SGK3: variants seen among roughly 807,000 people sequenced by gnomAD.
The protein encoded by SGK3 is serum/glucocorticoid regulated kinase family member 3.
A neutral mutation model predicts 68.5 loss-of-function variants in SGK3; 47 were observed. That is an observed-to-expected ratio of 0.69 (90% CI 0.54 to 0.87). The LOEUF is 0.87. Ranked by LOEUF, SGK3 falls within the 40% of genes least tolerant of loss-of-function variation. SGK3 has a pLI of 0.00. For missense variants in SGK3, 479 were observed against 575.5 expected (o/e 0.83, Z 1.72); for synonymous variants, 181 against 189.1 (o/e 0.96, Z 0.35).
rs527913722 is a variant in SGK3 at position 66,801,083 on chromosome 8, ACT to A, written c.180+2459_180+2460del. Among the ~76,000 whole-genome samples the A allele has an allele frequency of 2.5e-3, 374 of 152,362 alleles. 1 individual carries two copies. Among genetic ancestry groups the A allele is most frequent in the African/African-American group, 7.4e-3 (306 of 41,586 alleles). On this transcript the variant is annotated intron_variant, in intron 3 of 16. Transcript: ENST00000521198. ...CTTTAATGCACACGCAACTGCACTT[ACT>A]AAATACAGGTTGAGTATCCCTTATC...
chr8:66,835,714 T>A lies in SGK3; in HGVS notation c.526-49T>A, dbSNP rs753887477. ...TGTGTTGACAAGTGAATTATTTCTA[T>A]CAAAATTTGAAATTTCTAATAGTAT... is the stretch of plus-strand genomic sequence containing the variant. On this transcript the variant is annotated intron_variant, in intron 8 of 16. Transcript: ENST00000521198. 1.9e-6 allele frequency: 3 copies of A among 1,562,666 alleles called. No individual in the cohort carries two copies. In the South Asian group the frequency reaches 3.6e-5, roughly 19 times the overall value.
chr8:66,754,461 C>T (rs776075650), intron 1 of SGK3, among the ~76,000 whole-genome samples: 4 of 152,000 alleles, frequency 2.6e-5, no homozygotes, highest in Non-Finnish European at 5.9e-5. Context: ...TTTGCTGGGA[C>T]AGGTTGAGTA....
At chr8:66,811,083 C>A (rs1226538988) in intron 4 of SGK3, among the ~76,000 whole-genome samples, 1 of 152,324 alleles carries the variant, frequency 6.6e-6, no homozygotes, top group African/African-American at 2.4e-5. Context: ...GTGGTGCGAT[C>A]TCAGCTCACT....
intron 1 of SGK3, among the ~76,000 whole-genome samples, chr8:66,761,515 C>A (rs937646790): frequency 1.3e-5 from 2 of 152,074 alleles, no homozygotes; most frequent in African/African-American, 4.8e-5. Context: ...GTGGCTCACG[C>A]CCCAGCACTT....
intron 7 of SGK3, among the ~76,000 whole-genome samples, chr8:66,829,887 T>TA (rs1809234192): frequency 6.6e-6 from 1 of 151,330 alleles, no homozygotes; most frequent in East Asian, 1.9e-4. Flanking sequence ...TTTTTTTTTT[T>TA]ATTGAGACAG....
chr8:66,767,577 T>A, intron 1 of SGK3: 1 of 1,416,950 alleles, frequency 7.1e-7, no homozygotes, highest in Non-Finnish European at 1.0e-6. Flanking sequence ...TGAGAGGCAC[T>A]TCACTCAAGG....
Position 66,828,680 on chromosome 8 carries a change from C to T in SGK3, c.444C>T (p.Asn148=), listed in dbSNP as rs1322891777. 1 of 1,613,928 alleles carries T rather than the reference C, an allele frequency of 6.2e-7. No homozygotes were observed. Among genetic ancestry groups the T allele is most frequent in the East Asian group, 2.2e-5 (1 of 44,866 alleles). The change falls in exon 7 of 17, where the codon AAC becomes AAT. Residue 148 remains asparagine, a synonymous_variant. Transcript: ENST00000521198. ...TACACTCTACCTCACAGAACATCAA[C>T]CTGGGACCGTCTGGAAATCCTCAGT... ...QKLHSTSQNI[N]LGPSGNPHAK...
At chr8:66,789,860 T>A (rs1807364299) in intron 1 of SGK3, among the ~76,000 whole-genome samples, 1 of 152,118 alleles carries the variant, frequency 6.6e-6, no homozygotes, top group Admixed American at 6.5e-5. Flanking sequence ...GGCAGTTTGC[T>A]TGAGCTCAGA....
At chr8:66,744,768 T>C (rs1373157199) in intron 1 of SGK3, among the ~76,000 whole-genome samples, 1 of 150,426 alleles carries the variant, frequency 6.6e-6, no homozygotes, top group Admixed American at 6.6e-5. Flanking sequence ...GGCCTCGCAG[T>C]GTGCTGGGAT....
chr8:66,732,180 T>C (rs993079916), intron 1 of SGK3, among the ~76,000 whole-genome samples: 3 of 152,178 alleles, frequency 2.0e-5, no homozygotes, highest in Non-Finnish European at 4.4e-5. Context: ...ATGTCAAAAT[T>C]TGCAGTGGTA....
intron 3 of SGK3, among the ~76,000 whole-genome samples, chr8:66,799,430 A>G (rs1205955914): frequency 6.6e-6 from 1 of 152,216 alleles, no homozygotes; most frequent in Admixed American, 6.5e-5. Flanking sequence ...CACAGTCACT[A>G]TAATACCATA....
At chr8:66,746,765 T>C (rs1252810173) in intron 1 of SGK3, among the ~76,000 whole-genome samples, 1 of 152,072 alleles carries the variant, frequency 6.6e-6, no homozygotes, top group Admixed American at 6.6e-5. Context: ...CTCGCTATGT[T>C]GCCCAGGCTA....
chr8:66,771,838 A>G (rs1806520987), intron 1 of SGK3, among the ~76,000 whole-genome samples: 1 of 152,008 alleles, frequency 6.6e-6, no homozygotes, highest in Non-Finnish European at 1.5e-5. Context: ...TAGGTAGATT[A>G]CTTTTTATTT....
intron 1 of SGK3, among the ~76,000 whole-genome samples, chr8:66,766,439 C>G (rs1199900466): frequency 6.6e-6 from 1 of 152,116 alleles, no homozygotes; most frequent in Non-Finnish European, 1.5e-5. Flanking sequence ...TGGAGAATTG[C>G]TTGAACCTAG....
intron 4 of SGK3, among the ~76,000 whole-genome samples, chr8:66,805,641 C>T (rs1368697888): frequency 6.6e-6 from 1 of 152,180 alleles, no homozygotes. Context: ...GAATTTTCCC[C>T]TAGAACCCAA....
At chr8:66,727,188 A>G (rs1585635863) in intron 1 of SGK3, among the ~76,000 whole-genome samples, 1 of 152,022 alleles carries the variant, frequency 6.6e-6, no homozygotes. Context: ...TGCAGCCTCG[A>G]TCTCCTAGGC....
rs543859497 is a variant in SGK3, at chr8:66,840,207, A to G, written c.855-4A>G. ...TTTGCGTTTCTTTCCTTTTAATTTGATAGAGACTTGAAACCAGAAAATATT... is the reference window on the plus strand; with the variant it reads ...TTTGCGTTTCTTTCCTTTTAATTTGGTAGAGACTTGAAACCAGAAAATATT... On this transcript the variant is annotated splice_polypyrimidine_tract_variant and splice_region_variant and intron_variant, in intron 11 of 16. Transcript: ENST00000521198. The G allele has an allele frequency of 1.0e-5, 16 of 1,594,080 alleles. No individual in the cohort carries two copies. The South Asian group carries it at 1.3e-4, about 13-fold the overall frequency.
intron 1 of SGK3, among the ~76,000 whole-genome samples, chr8:66,723,125 ATATATATTTTTTTTT>A (rs1406046503): frequency 1.3e-4 from 7 of 52,200 alleles, no homozygotes; most frequent in African/African-American, 6.4e-4. Flanking sequence ...ATATATATAT[ATATATATTTTTTTTT>A]TTTTTTTTTT....
Position 66,831,331 on chromosome 8 carries a change from T to G in SGK3, c.525+20T>G. The G allele has an allele frequency of 4.3e-6, 7 of 1,612,256 alleles. No homozygotes were observed. Among genetic ancestry groups the G allele is most frequent in the Non-Finnish European group, 5.9e-6 (7 of 1,179,542 alleles). ...GGCAAGGTAAGAGTGTTTTGTGAGG[T>G]TTTTATTTGGTTTTGGTTTTGGTTT... On this transcript the variant is annotated intron_variant, in intron 8 of 16. Coordinates refer to ENST00000521198, the MANE Select transcript of SGK3 (RefSeq NM_001033578.3).
Sources: gnomAD v4.1 joint callset for allele counts (sites outside exome capture counted in the v4.1 genomes callset) on GRCh38, gnomAD v4.1.1 for gene constraint, MANE v1.5 for transcripts, NCBI Gene and HGNC (gene_info 2026-07-23, HGNC 2026-07-21) for gene names.